Variants in CDH18 observed in about 807,000 individuals in gnomAD.
The protein encoded by CDH18 is cadherin-18.
In CDH18, 31 loss-of-function variants were observed where a neutral mutation model predicts 67.9. The ratio of observed to expected loss-of-function variants is 0.46; its 90% CI spans 0.34 to 0.62. The LOEUF (loss-of-function observed/expected upper bound fraction) is 0.62. Among genes scored for constraint, CDH18 ranks in the 20% least tolerant of loss-of-function variants. The pLI, the probability that CDH18 is intolerant of heterozygous loss-of-function variation, is 0.01. For synonymous variants in CDH18, 362 were observed against 347.2 expected (o/e 1.04, Z -0.48); for missense variants, 890 against 975.5 (o/e 0.91, Z 1.17).
intron 3 of CDH18, among the ~76,000 whole-genome samples, chr5:19,748,739 G>A (rs1264262478): frequency 1.3e-5 from 2 of 151,968 alleles, no homozygotes; most frequent in African/African-American, 4.8e-5. Flanking sequence ...AAGACATTTG[G>A]AAAACACAAA....
At chr5:20,325,406 A>T (rs1222977909) in intron 1 of CDH18, among the ~76,000 whole-genome samples, 1 of 152,184 alleles carries the variant, frequency 6.6e-6, no homozygotes, top group African/African-American at 2.4e-5. Flanking sequence ...AACTTGTTCC[A>T]TGGGCTATAC....
intron 1 of CDH18, among the ~76,000 whole-genome samples, chr5:20,401,336 AG>A (rs1195525627): frequency 6.6e-6 from 1 of 152,214 alleles, no homozygotes; most frequent in Middle Eastern, 3.2e-3. Flanking sequence ...TAGATTTATA[AG>A]ATACGTGTAT....
At chr5:19,710,491 TTTGTAAAC>T (rs1215008078) in intron 5 of CDH18, among the ~76,000 whole-genome samples, 1 of 152,160 alleles carries the variant, frequency 6.6e-6, no homozygotes, top group African/African-American at 2.4e-5. Context: ...AATAATTTAC[TTTGTAAAC>T]TTGTAAACTG....
intron 3 of CDH18, among the ~76,000 whole-genome samples, chr5:19,819,908 G>A (rs1292853568): frequency 6.6e-6 from 1 of 152,108 alleles, no homozygotes; most frequent in Non-Finnish European, 1.5e-5. Flanking sequence ...CCCATAAGAG[G>A]AGGCACACAG....
chr5:19,789,980 GTTA>G (rs1277752677), intron 3 of CDH18, among the ~76,000 whole-genome samples: 1 of 151,496 alleles, frequency 6.6e-6, no homozygotes. Flanking sequence ...AATTACCATC[GTTA>G]TTATTCATTT....
chr5:20,245,421 C>T (rs538894355), intron 2 of CDH18, among the ~76,000 whole-genome samples: 1 of 152,094 alleles, frequency 6.6e-6, no homozygotes, highest in Non-Finnish European at 1.5e-5. Flanking sequence ...AAGAAAATAG[C>T]TGTCAAACAG....
At chr5:20,484,854 G>A (rs556581745) in intron 1 of CDH18, among the ~76,000 whole-genome samples, 1 of 152,026 alleles carries the variant, frequency 6.6e-6, no homozygotes, top group Non-Finnish European at 1.5e-5. Flanking sequence ...GATAGAATGA[G>A]TAAGATCTAG....
chr5:19,570,804 C>G (rs1459082096), intron 8 of CDH18, among the ~76,000 whole-genome samples: 1 of 152,140 alleles, frequency 6.6e-6, no homozygotes, highest in Non-Finnish European at 1.5e-5. Context: ...ATTTAGCGAG[C>G]ACTTATTATA....
intron 1 of CDH18, among the ~76,000 whole-genome samples, chr5:20,426,992 G>A (rs1203778757): frequency 6.6e-6 from 1 of 150,896 alleles, no homozygotes; most frequent in Non-Finnish European, 1.5e-5. Flanking sequence ...AATTAAATTG[G>A]ATTGTGATTG....
intron 12 of CDH18, among the ~76,000 whole-genome samples, chr5:19,474,645 A>C (rs1738135528): frequency 6.6e-6 from 1 of 152,116 alleles, no homozygotes; most frequent in African/African-American, 2.4e-5. Flanking sequence ...CAAGTGGAAG[A>C]GCTTGTACCA....
intron 2 of CDH18, among the ~76,000 whole-genome samples, chr5:20,208,377 C>A (rs1396166018): frequency 6.6e-6 from 1 of 152,004 alleles, no homozygotes; most frequent in Non-Finnish European, 1.5e-5. Flanking sequence ...TTATGGGGAT[C>A]ACAAACATGT....
intron 2 of CDH18, among the ~76,000 whole-genome samples, chr5:20,148,139 T>C (rs1002594980): frequency 3.3e-5 from 5 of 151,878 alleles, no homozygotes; most frequent in Non-Finnish European, 7.4e-5. Context: ...TCACCCAGGA[T>C]GGAGTGTAGC....
At chr5:19,497,510 G>A (rs917817057) in intron 11 of CDH18, among the ~76,000 whole-genome samples, 18 of 152,192 alleles carry the variant, frequency 1.2e-4, no homozygotes, top group Non-Finnish European at 1.0e-4. Flanking sequence ...GTTCTGCAAC[G>A]TTCAGGTGAA....
intron 4 of CDH18, among the ~76,000 whole-genome samples, chr5:19,733,545 T>C (rs557563180): frequency 1.3e-3 from 194 of 152,154 alleles, no homozygotes; most frequent in Non-Finnish European, 2.3e-3. Context: ...TATGACCTCA[T>C]TCTTCTTGGA....
intron 1 of CDH18, among the ~76,000 whole-genome samples, chr5:20,279,663 C>T (rs961635485): frequency 2.3e-5 from 3 of 127,926 alleles, no homozygotes; most frequent in Non-Finnish European, 4.7e-5. Context: ...CATGCCATTG[C>T]ACTCCTTCCT....
At chr5:20,250,780 A>AT (rs1196221605) in intron 2 of CDH18, among the ~76,000 whole-genome samples, 1 of 151,166 alleles carries the variant, frequency 6.6e-6, no homozygotes, top group Non-Finnish European at 1.5e-5. Flanking sequence ...TAATTTTTGT[A>AT]TTTTTAGTAG....
At chr5:19,837,862 T>C (rs1781857898) in intron 3 of CDH18, among the ~76,000 whole-genome samples, 1 of 152,196 alleles carries the variant, frequency 6.6e-6, no homozygotes, top group South Asian at 2.1e-4. Flanking sequence ...CTGTGCTTGC[T>C]GTTTCTCCCA....
At chr5:19,626,002 C>A (rs1751482834) in intron 5 of CDH18, among the ~76,000 whole-genome samples, 1 of 152,106 alleles carries the variant, frequency 6.6e-6, no homozygotes, top group Admixed American at 6.5e-5. Context: ...GGCTGTGGGA[C>A]AAGGACCTGT....
At position 19,570,059 on chromosome 5, in the gene CDH18, T is replaced by C. The variant is rs371361166; in HGVS notation, c.1253+1520A>G. 1.1e-4 allele frequency among the ~76,000 whole-genome samples: 16 copies of C among 152,258 alleles called. No individual in the cohort carries two copies. In the East Asian group the frequency reaches 1.7e-3, roughly 17 times the overall value. ...ACCTATCTCTATTCCCAAAAGATAT[T>C]GGGTGCTTTTGGTAAAGAAAGCCTC... On this transcript the variant is annotated intron_variant, in intron 8 of 12. Transcript: ENST00000382275.
Sources: gnomAD v4.1 joint callset for allele counts (sites outside exome capture counted in the v4.1 genomes callset) on GRCh38, gnomAD v4.1.1 for gene constraint, MANE v1.5 for transcripts, NCBI Gene and HGNC (gene_info 2026-07-23, HGNC 2026-07-21) for gene names.